The following ARID4B variants were observed in gnomAD, a reference collection of about 807,000 sequenced individuals.
ARID4B encodes the protein AT-rich interaction domain 4B.
ARID4B carries 26 observed loss-of-function variants against 147.5 expected under a neutral mutation model. The ratio of observed to expected loss-of-function variants is 0.18; its 90% confidence interval spans 0.13 to 0.24. ARID4B has a LOEUF of 0.24. ARID4B is among the 10% of genes least tolerant of loss of function. The probability of loss-of-function intolerance (pLI) is 1.00; values close to 1 mark genes in which losing one functional copy is unlikely to be tolerated. For synonymous variants in ARID4B, 512 were observed against 507.9 expected (o/e 1.01, Z -0.11); for missense variants, 1,179 against 1,511.5 (o/e 0.78, Z 3.65).
intron 2 of ARID4B, among the ~76,000 whole-genome samples, chr1:235,305,896 G>A (rs562724056): frequency 1.3e-5 from 2 of 152,260 alleles, no homozygotes; most frequent in East Asian, 3.9e-4. Context: ...AGAGGTCAAG[G>A]TTACAGTCAG....
rs796636528 is a variant in ARID4B, at chr1:235,180,069, C to CA, written c.3334+1515dup. On this transcript the variant is annotated intron_variant, in intron 20 of 23. Transcript: ENST00000264183. ...TGGGCAACAGAGCGAGACTCCATCTCAAAAAAAAAACCCCCAAGAAAACCT... is the reference window on the plus strand; with the variant it reads ...TGGGCAACAGAGCGAGACTCCATCTCAAAAAAAAAAACCCCCAAGAAAACCT... 774 of 132,832 alleles carry CA rather than the reference C, an allele frequency of 5.8e-3. 6 individuals carry two copies. The highest frequency in any genetic ancestry group is 0.019 in the African/African-American group (680 of 36,064). 8.2% of individuals were successfully genotyped at this position (132,832 alleles called of 1,614,324 possible).
intron 9 of ARID4B, among the ~76,000 whole-genome samples, chr1:235,233,723 A>G (rs1337325334): frequency 6.6e-6 from 1 of 152,224 alleles, no homozygotes; most frequent in Non-Finnish European, 1.5e-5. Context: ...AGACATAACT[A>G]GTAGAAGTAT....
chr1:235,284,400 T>C (rs1671848177), intron 2 of ARID4B, among the ~76,000 whole-genome samples: 1 of 152,206 alleles, frequency 6.6e-6, no homozygotes, highest in Non-Finnish European at 1.5e-5. Flanking sequence ...TTATCTGCTC[T>C]CCAAGTATCC....
At chr1:235,279,311 A>G (rs4481838) in intron 2 of ARID4B, among the ~76,000 whole-genome samples, 70,832 of 151,734 alleles carry the variant, frequency 0.47, 16,860 homozygotes, top group South Asian at 0.6. Context: ...ATCTCCATTT[A>G]GTTTCCTGAA....
chr1:235,236,879 TTTTTTTTTTTG>T (rs1668646510), intron 8 of ARID4B, among the ~76,000 whole-genome samples: 1 of 92,528 alleles, frequency 1.1e-5, no homozygotes, highest in African/African-American at 4.1e-5. Context: ...TTTTTTTTTT[TTTTTTTTTTTG>T]AGATAAAAGT....
intron 2 of ARID4B, among the ~76,000 whole-genome samples, chr1:235,298,422 ATATT>A (rs1343836294): frequency 1.3e-5 from 2 of 151,206 alleles, no homozygotes; most frequent in South Asian, 2.1e-4. Flanking sequence ...TTCAACTTAT[ATATT>A]TAGTCTAAAA....
chr1:235,216,531 TG>T (rs1667092573), intron 16 of ARID4B, among the ~76,000 whole-genome samples: 1 of 151,942 alleles, frequency 6.6e-6, no homozygotes, highest in Admixed American at 6.6e-5. Context: ...TTAGTAGAGA[TG>T]GGGTTTCACC....
At chr1:235,295,231 C>T (rs984843822) in intron 2 of ARID4B, among the ~76,000 whole-genome samples, 2 of 152,046 alleles carry the variant, frequency 1.3e-5, no homozygotes, top group Admixed American at 6.6e-5. Context: ...TGATATAGGC[C>T]GGGCATAGTG....
chr1:235,264,067 G>C (rs542522384), intron 2 of ARID4B, among the ~76,000 whole-genome samples: 7 of 152,254 alleles, frequency 4.6e-5, no homozygotes, highest in African/African-American at 1.7e-4. Flanking sequence ...CATCAGAGCA[G>C]TGTTAATTCG....
intron 2 of ARID4B, among the ~76,000 whole-genome samples, chr1:235,314,041 C>T (rs1305773007): frequency 2.6e-5 from 4 of 152,200 alleles, no homozygotes; most frequent in Non-Finnish European, 4.4e-5. Context: ...GTATTGAGAA[C>T]TTACTATGTA....
chr1:235,227,431 G>C (rs1316909326), intron 11 of ARID4B, among the ~76,000 whole-genome samples: 1 of 152,156 alleles, frequency 6.6e-6, no homozygotes, highest in East Asian at 1.9e-4. Context: ...TGTCATTACA[G>C]ATCACTACAC....
chr1:235,294,917 C>A (rs1672587924), intron 2 of ARID4B, among the ~76,000 whole-genome samples: 1 of 151,566 alleles, frequency 6.6e-6, no homozygotes, highest in South Asian at 2.1e-4. Context: ...CAAAACCAAA[C>A]TGAAGTAAAT....
intron 16 of ARID4B, among the ~76,000 whole-genome samples, chr1:235,215,547 A>ATATGTGTGTGTGTGTG (rs1553293242): frequency 1.5e-5 from 2 of 136,450 alleles, no homozygotes; most frequent in East Asian, 4.2e-4. Context: ...ACACATATAT[A>ATATGTGTGTGTGTGTG]TGTGTGTGTG....
rs760928766 is a variant in ARID4B, at chr1:235,301,676, AG to A, written c.6+25237del. Among the ~76,000 whole-genome samples, 365 of 150,888 alleles carry A rather than the reference AG, an allele frequency of 2.4e-3. 2 individuals carry two copies. The highest frequency in any genetic ancestry group is 3.9e-3 in the Non-Finnish European group (263 of 67,782). ...GCAATCCTCCCACCTCAGCTACCGG[AG>A]TAGCTGGGACCACAGGTGCCCACCA... On this transcript the variant is annotated intron_variant, in intron 2 of 23. Coordinates refer to ENST00000264183, the MANE Select transcript of ARID4B (RefSeq NM_016374.6).
intron 5 of ARID4B, among the ~76,000 whole-genome samples, chr1:235,254,893 T>C (rs1308355760): frequency 1.3e-5 from 2 of 152,010 alleles, no homozygotes; most frequent in African/African-American, 4.8e-5. Context: ...TACTACTTTA[T>C]GTCCAAATTA....
intron 14 of ARID4B, among the ~76,000 whole-genome samples, chr1:235,221,082 G>A (rs1183190158): frequency 1.3e-5 from 2 of 152,166 alleles, no homozygotes; most frequent in Admixed American, 1.3e-4. Context: ...ATTTTTAGTG[G>A]AGACAAGGTT....
intron 5 of ARID4B, among the ~76,000 whole-genome samples, chr1:235,255,220 T>TATATATATATACAGAGAG (rs1264196304): frequency 1.6e-5 from 1 of 62,350 alleles, no homozygotes; most frequent in Non-Finnish European, 4.0e-5. Flanking sequence ...TGCTGGGAGC[T>TATATATATATACAGAGAG]AGATAGATAG....
chr1:235,315,790 T>C (rs1181943994), intron 2 of ARID4B, among the ~76,000 whole-genome samples: 2 of 152,230 alleles, frequency 1.3e-5, no homozygotes, highest in Non-Finnish European at 2.9e-5. Flanking sequence ...CACAGTTAGA[T>C]ACTATTCTTG....
intron 2 of ARID4B, among the ~76,000 whole-genome samples, chr1:235,315,409 C>T (rs58559599): frequency 0.13 from 19,995 of 152,058 alleles, 1,524 homozygotes; most frequent in African/African-American, 0.2. Flanking sequence ...CAACCTGGGC[C>T]GCAGAACAAG....
Sources: gnomAD v4.1 joint callset for allele counts (sites outside exome capture counted in the v4.1 genomes callset) on GRCh38, gnomAD v4.1.1 for gene constraint, MANE v1.5 for transcripts, NCBI Gene and HGNC (gene_info 2026-07-23, HGNC 2026-07-21) for gene names.